Variants in ZNF184 observed in about 807,000 individuals in gnomAD.
The protein encoded by ZNF184 is zinc finger protein 184, also known as zinc finger protein 184 (Kruppel-like).
Under a neutral mutation model 54.4 loss-of-function variants are expected in ZNF184, and 16 were observed. The observed-to-expected ratio is 0.29, with a 90% CI of 0.20 to 0.45. The LOEUF is 0.45. Ranked by LOEUF, ZNF184 falls within the 20% of genes least tolerant of loss-of-function variation. The pLI, the probability that ZNF184 is intolerant of heterozygous loss-of-function variation, is 1.00. For missense variants in ZNF184, 681 were observed against 888.2 expected, an observed-to-expected ratio of 0.77 and a Z score of 2.97; for synonymous variants, 254 against 295.3, an observed-to-expected ratio of 0.86 and a Z score of 1.43.
At chr6:27,419,129 C>G in the ZNF184 span, among the ~76,000 whole-genome samples, 1 of 152,000 alleles carries the variant, frequency 6.6e-6, no homozygotes, top group Non-Finnish European at 1.5e-5. This position sits in a 1 kb window ranked among gnomAD's most constrained non-coding sequence, Gnocchi z 4.8. Context: ...GAGACAGTCT[C>G]ACTCTGCTCT....
chr6:27,411,639 G>T, the ZNF184 span, among the ~76,000 whole-genome samples: 1 of 152,328 alleles, frequency 6.6e-6, no homozygotes, highest in African/African-American at 2.4e-5. Context: ...CGGATAGAAG[G>T]CCCGAGGGTA....
In ZNF184 at chr6:27,467,056, G is replaced by T. The variant is rs974925543; in HGVS notation, c.75+797C>A. Among the ~76,000 whole-genome samples the T allele has an allele frequency of 2.0e-5, 3 of 152,082 alleles. No homozygotes were observed. In the East Asian group the frequency reaches 5.8e-4, roughly 29 times the overall value. On this transcript the variant is annotated intron_variant, in intron 3 of 5. Transcript: ENST00000683788. ...GTAACATCTGTTAATCCTTACTTATGAACTTCTGCTTATAATCTTCTCTAT... is the reference window on the plus strand; with the variant it reads ...GTAACATCTGTTAATCCTTACTTATTAACTTCTGCTTATAATCTTCTCTAT...
chr6:27,457,029 G>A, intron 4 of ZNF184, 108 bp from the exon 5 acceptor site: 1 of 1,031,456 alleles, frequency 9.7e-7, no homozygotes, highest in Admixed American at 2.3e-5. Context: ...GTAAAAACCT[G>A]ATGGGAGTGG....
the ZNF184 span, among the ~76,000 whole-genome samples, chr6:27,426,622 C>T: frequency 6.6e-6 from 1 of 151,206 alleles, no homozygotes; most frequent in Non-Finnish European, 1.5e-5. The surrounding 1 kb of genome is among the most constrained non-coding windows in gnomAD (Gnocchi z 4.2). Flanking sequence ...ATTTCATTAT[C>T]ATTTTAAGCA....
At chr6:27,422,219 A>AGAAAGAAAGAAG in the ZNF184 span, among the ~76,000 whole-genome samples, 1 of 150,558 alleles carries the variant, frequency 6.6e-6, no homozygotes, top group African/African-American at 2.4e-5. Flanking sequence ...AAAGAAAGAA[A>AGAAAGAAAGAAG]AGAAAAGAAA....
Position 27,472,193 on chromosome 6 carries a change from C to A in ZNF184, c.7+95G>T. ...CCCTAAGCATACCGTTCCTTCCTTC[C>A]AAATCTCCTGCTCTGATCTCAAGTA... is the stretch of plus-strand genomic sequence containing the variant. On this transcript the variant is annotated intron_variant, in intron 2 of 5. Transcript: ENST00000683788. The surrounding 1 kb of genome is among the most constrained non-coding windows in gnomAD (Gnocchi z 4.8). 1 of 1,537,892 alleles carries A rather than the reference C, an allele frequency of 6.5e-7. No individual in the cohort carries two copies. The highest frequency in any genetic ancestry group is 8.9e-7 in the Non-Finnish European group (1 of 1,122,748).
the ZNF184 span, chr6:27,406,870 T>A: frequency 6.7e-6 from 1 of 150,102 alleles, no homozygotes; most frequent in Non-Finnish European, 1.5e-5. Context: ...GGGCAGGCAC[T>A]TCCTGCAGCA....
the ZNF184 span, among the ~76,000 whole-genome samples, chr6:27,425,201 C>A: frequency 2.6e-5 from 4 of 152,234 alleles, no homozygotes; most frequent in African/African-American, 9.6e-5. Context: ...TTCCCGCTCG[C>A]GCCTCTCCCT....
the ZNF184 span, among the ~76,000 whole-genome samples, chr6:27,422,194 A>AAG: frequency 1.5e-5 from 1 of 66,180 alleles, no homozygotes; most frequent in African/African-American, 4.8e-5. Context: ...GAAAGAAAGA[A>AAG]AGAAAGAAAG....
chr6:27,413,937 C>T, the ZNF184 span, among the ~76,000 whole-genome samples: 1 of 152,170 alleles, frequency 6.6e-6, no homozygotes, highest in Non-Finnish European at 1.5e-5. Flanking sequence ...TCCTTCAGAG[C>T]ATTGGCTTCC....
chr6:27,439,398 C>T, the ZNF184 span, among the ~76,000 whole-genome samples: 2 of 152,196 alleles, frequency 1.3e-5, no homozygotes, highest in Non-Finnish European at 2.9e-5. Context: ...CCGGTTTCAT[C>T]CCCCCGGGAC....
the ZNF184 span, among the ~76,000 whole-genome samples, chr6:27,424,683 C>T: frequency 6.6e-6 from 1 of 152,134 alleles, no homozygotes; most frequent in Non-Finnish European, 1.5e-5. Flanking sequence ...TACAGAGTGC[C>T]GATTGGTGTA....
rs1762869835 is a variant in ZNF184 at position 27,456,902 on chromosome 6, A to T, written c.222T>A (p.Pro74=). The change falls in exon 5 of 6, where the codon CCT becomes CCA. Residue 74 remains proline (P), a synonymous_variant. Coordinates refer to ENST00000683788, the MANE Select transcript of ZNF184 (RefSeq NM_001318891.2). The part of the protein sequence containing the change: ...LVSIGLQVSK[P]DVISQLEQGT... ...CTTGCTCTAACTGGGAAATCACATC[A>T]GGTTTAGAAACTTGGAGTCCTGTTC... 1.2e-6 allele frequency: 2 copies of T among 1,614,026 alleles called. No homozygotes were observed. The highest frequency in any genetic ancestry group is 2.7e-5 in the African/African-American group (2 of 74,920).
chr6:27,450,271 A>G (rs1451496286), downstream of ZNF184, among the ~76,000 whole-genome samples: 1 of 152,186 alleles, frequency 6.6e-6, no homozygotes, highest in Non-Finnish European at 1.5e-5. Flanking sequence ...AGATAATTTT[A>G]TAGGGTTCTC....
At chr6:27,462,657 G>GT (rs1236536097) in intron 3 of ZNF184, among the ~76,000 whole-genome samples, 3 of 151,446 alleles carry the variant, frequency 2.0e-5, no homozygotes, top group Non-Finnish European at 4.4e-5. Context: ...GAGGTCAGGA[G>GT]TTTGAGACCA....
At chr6:27,431,936 G>A in the ZNF184 span, among the ~76,000 whole-genome samples, 4 of 152,208 alleles carry the variant, frequency 2.6e-5, no homozygotes, top group Non-Finnish European at 4.4e-5. Context: ...TTCACACAAT[G>A]AGACTCACAG....
the ZNF184 span, among the ~76,000 whole-genome samples, chr6:27,442,758 G>A: frequency 2.9e-5 from 4 of 139,962 alleles, no homozygotes; most frequent in Non-Finnish European, 6.2e-5. Context: ...AGGGAGGGAA[G>A]GAAGGAAGGA....
chr6:27,442,215 G>A, the ZNF184 span, among the ~76,000 whole-genome samples: 4 of 152,140 alleles, frequency 2.6e-5, no homozygotes, highest in Admixed American at 6.5e-5. Flanking sequence ...GACTTGGGCC[G>A]TGATTACTTT....
downstream of ZNF184, among the ~76,000 whole-genome samples, chr6:27,449,480 G>A (rs115379145): frequency 0.012 from 1,793 of 152,270 alleles, 44 homozygotes; most frequent in African/African-American, 0.04. Flanking sequence ...GGGGCCAAGG[G>A]TGGTGACTAC....
Sources: gnomAD v4.1 joint callset for allele counts (sites outside exome capture counted in the v4.1 genomes callset) on GRCh38, gnomAD v4.1.1 for gene constraint, Gnocchi (gnomAD v3.1) non-coding constraint, MANE v1.5 for transcripts, NCBI Gene and HGNC (gene_info 2026-07-23, HGNC 2026-07-21) for gene names.